The following TMC7 variants were observed in gnomAD, a reference collection of about 807,000 sequenced individuals.
TMC7 encodes the protein transmembrane channel like 7.
Under a neutral mutation model 82.9 loss-of-function variants are expected in TMC7, and 54 were observed. That is an observed-to-expected ratio of 0.65 (90% CI 0.52 to 0.82). TMC7 has a LOEUF of 0.82. Ranked by LOEUF, TMC7 falls within the 40% of genes least tolerant of loss-of-function variation. TMC7 has a pLI of 0.00. For synonymous variants in TMC7, 350 were observed against 337.9 expected, an observed-to-expected ratio of 1.04 and a Z score of -0.39; for missense variants, 820 against 901.2, an observed-to-expected ratio of 0.91 and a Z score of 1.15.
At position 19,059,082 on chromosome 16, in the gene TMC7, T is replaced by G. The variant is rs553166403; in HGVS notation, c.2028-334T>G. ...TAGTAGAGACGGGGTTTCACCATGT[T>G]GGTCAGGCTGGTCTCAAATTCCTGA... On this transcript the variant is annotated intron_variant, in intron 14 of 15. Coordinates refer to ENST00000304381, the MANE Select transcript of TMC7 (RefSeq NM_024847.4). Among the ~76,000 whole-genome samples the G allele has an allele frequency of 3.3e-5, 5 of 152,264 alleles. No homozygotes were observed. In the Middle Eastern group the frequency reaches 0.014, roughly 414 times the overall value.
intron 2 of TMC7, among the ~76,000 whole-genome samples, chr16:19,011,000 G>A (rs1171936349): frequency 6.6e-6 from 1 of 152,118 alleles, no homozygotes; most frequent in Non-Finnish European, 1.5e-5. Context: ...AGATTCAATC[G>A]GTGGGAAAAT....
intron 1 of TMC7, among the ~76,000 whole-genome samples, chr16:19,007,452 G>A (rs2039260784): frequency 6.6e-6 from 1 of 152,108 alleles, no homozygotes; most frequent in African/African-American, 2.4e-5. Flanking sequence ...CGCCCACCAG[G>A]TTCTTGCTCA....
At chr16:19,024,629 G>T (rs377751305) in intron 5 of TMC7, among the ~76,000 whole-genome samples, 1 of 151,720 alleles carries the variant, frequency 6.6e-6, no homozygotes, top group African/African-American at 2.4e-5. Context: ...TGCAATTGTA[G>T]CTCACTGTAA....
intron 3 of TMC7, among the ~76,000 whole-genome samples, chr16:19,020,533 A>G (rs908015687): frequency 7.2e-5 from 11 of 151,882 alleles, no homozygotes; most frequent in Non-Finnish European, 1.2e-4. Context: ...ACAAACATTT[A>G]GAAAGTGAAA....
In TMC7 at chr16:19,045,033, T is replaced by C. The variant is rs745900259; in HGVS notation, c.1455+32T>C. 3 of 1,492,304 alleles carry C rather than the reference T, an allele frequency of 2.0e-6. No individual in the cohort carries two copies. In the Admixed American group the frequency reaches 5.0e-5, roughly 25 times the overall value. The allele number at this position is 1,492,304 out of a possible 1,614,324, so 92.4% of individuals were successfully genotyped here. On this transcript the variant is annotated intron_variant, in intron 10 of 15. Transcript: ENST00000304381. The stretch of plus-strand genomic sequence containing the variant: ...TGCGGGGCGGGGGCGTTCGGCTGGG[T>C]GGGTCCTTCTGGAATACAGTGTCAT...
intron 14 of TMC7, 103 bp downstream of exon 14, chr16:19,056,800 C>A: frequency 7.8e-7 from 1 of 1,279,062 alleles, no homozygotes; most frequent in Non-Finnish European, 1.1e-6. Context: ...AGTTACTGAG[C>A]TTCTTTGAAC....
At chr16:19,007,701 GA>G (rs2039266127) in intron 1 of TMC7, among the ~76,000 whole-genome samples, 2 of 151,032 alleles carry the variant, frequency 1.3e-5, no homozygotes, top group African/African-American at 4.9e-5. Context: ...ATAAAATAAA[GA>G]GAGACAATAC....
chr16:19,040,268 T>C, intron 8 of TMC7, 21 bp from the exon 9 acceptor site: 1 of 1,607,716 alleles, frequency 6.2e-7, no homozygotes, highest in South Asian at 1.1e-5. Flanking sequence ...TCCTGACTAA[T>C]AAGTTTTGTT....
intron 2 of TMC7, 104 bp downstream of exon 2, chr16:19,009,519 T>G (rs556911661): frequency 7.0e-7 from 1 of 1,435,754 alleles, no homozygotes; most frequent in Non-Finnish European, 9.3e-7. Context: ...AATTAAAATT[T>G]TATTCCTTAG....
At chr16:19,003,428 C>T (rs769018965) in intron 1 of TMC7, among the ~76,000 whole-genome samples, 379 of 150,004 alleles carry the variant, frequency 2.5e-3, no homozygotes, top group Non-Finnish European at 3.9e-3. Context: ...CCCCCCTGCC[C>T]GGCCAGCCGC....
intron 11 of TMC7, 25 bp downstream of exon 11, chr16:19,045,463 A>AT: frequency 6.6e-7 from 1 of 1,512,878 alleles, no homozygotes; most frequent in Non-Finnish European, 9.2e-7. Context: ...TGCCCATATT[A>AT]TCCCCCCCAC....
Position 19,009,375 on chromosome 16 carries a change from C to A in TMC7, c.271C>A (p.Arg91=), listed in dbSNP as rs536265026. The change falls in exon 2 of 16, where the codon CGA becomes AGA. Residue 91 remains arginine, a synonymous_variant. Coordinates refer to ENST00000304381, the MANE Select transcript of TMC7 (RefSeq NM_024847.4). ...TGAAAACCTCAGCAGCCATTCTCTT[C>A]GAAATTATGCACTGAACATCTCTGA... ...IAENLSSHSL[R]NYALNISEKR... 5 of 1,614,126 alleles carry A rather than the reference C, an allele frequency of 3.1e-6. No individual in the cohort carries two copies. In the South Asian group the frequency reaches 4.4e-5, roughly 14 times the overall value.
intron 1 of TMC7, among the ~76,000 whole-genome samples, chr16:18,986,750 GTTTCTGCCT>G (rs1384769209): frequency 6.6e-6 from 1 of 151,616 alleles, no homozygotes; most frequent in Non-Finnish European, 1.5e-5. Context: ...TACCAAGATT[GTTTCTGCCT>G]CAGGGTCTTT....
intron 1 of TMC7, among the ~76,000 whole-genome samples, chr16:18,988,789 C>G (rs1483652206): frequency 6.6e-6 from 1 of 152,164 alleles, no homozygotes; most frequent in Non-Finnish European, 1.5e-5. Context: ...GTGCCTCACA[C>G]CTGTAATCCC....
intron 5 of TMC7, among the ~76,000 whole-genome samples, chr16:19,027,589 T>G (rs1407488395): frequency 6.6e-6 from 1 of 152,126 alleles, no homozygotes; most frequent in Non-Finnish European, 1.5e-5. Context: ...CTGTAATTGT[T>G]ACATTATTTT....
intron 12 of TMC7, among the ~76,000 whole-genome samples, chr16:19,047,602 G>T (rs762432052): frequency 5.3e-5 from 8 of 151,696 alleles, no homozygotes; most frequent in Non-Finnish European, 8.8e-5. Flanking sequence ...TCACCATCTT[G>T]GCCAGGTTGG....
intron 4 of TMC7, among the ~76,000 whole-genome samples, chr16:19,022,261 A>G (rs1453075545): frequency 1.3e-5 from 2 of 152,234 alleles, no homozygotes; most frequent in Non-Finnish European, 2.9e-5. Flanking sequence ...TATTGGACAC[A>G]TTGGGGTTTG....
intron 6 of TMC7, among the ~76,000 whole-genome samples, chr16:19,031,872 C>T (rs1001373539): frequency 6.6e-6 from 1 of 152,112 alleles, no homozygotes; most frequent in African/African-American, 2.4e-5. Context: ...GGAGGAGAAC[C>T]ATGCGGATGG....
chr16:19,016,866 A>G (rs2142196697), intron 3 of TMC7, among the ~76,000 whole-genome samples: 1 of 152,198 alleles, frequency 6.6e-6, no homozygotes, highest in East Asian at 1.9e-4. Flanking sequence ...TCATTATTAG[A>G]CTTCCCACTA....
Sources: allele counts gnomAD v4.1 joint callset (sites outside exome capture counted in the v4.1 genomes callset), GRCh38; gene constraint gnomAD v4.1.1; transcripts MANE v1.5; gene names NCBI Gene and HGNC (gene_info 2026-07-23, HGNC 2026-07-21).